Variants in PTPRD observed in about 807,000 individuals in gnomAD.
PTPRD encodes receptor-type tyrosine-protein phosphatase delta.
Under a neutral mutation model 214.5 loss-of-function variants are expected in PTPRD, and 34 were observed. The ratio of observed to expected loss-of-function variants is 0.16; its 90% CI spans 0.12 to 0.21. The LOEUF (loss-of-function observed/expected upper bound fraction) is 0.21, where lower values mean the gene tolerates loss of function less well. Among genes scored for constraint, PTPRD ranks in the 10% least tolerant of loss-of-function variants. PTPRD has a pLI of 1.00. For synonymous variants in PTPRD, 1,128 were observed against 845.7 expected, an observed-to-expected ratio of 1.33 and a Z score of -5.79; for missense variants, 2,545 against 2,398.7, an observed-to-expected ratio of 1.06 and a Z score of -1.27.
chr9:9,642,490 A>G (rs979040871), intron 7 of PTPRD, among the ~76,000 whole-genome samples: 7 of 152,194 alleles, frequency 4.6e-5, no homozygotes, highest in African/African-American at 1.4e-4. Flanking sequence ...TAGAAGGTAT[A>G]TAAGCTCTGG....
At chr9:9,874,699 A>G (rs1215357579) in intron 5 of PTPRD, among the ~76,000 whole-genome samples, 7 of 152,194 alleles carry the variant, frequency 4.6e-5, no homozygotes, top group Non-Finnish European at 1.0e-4. Flanking sequence ...CAAACATTAA[A>G]TGATTTATTT....
At chr9:9,399,227 A>G (rs965984611) in intron 8 of PTPRD, among the ~76,000 whole-genome samples, 3 of 152,038 alleles carry the variant, frequency 2.0e-5, no homozygotes, top group African/African-American at 7.2e-5. Flanking sequence ...CTTTAGCATA[A>G]GTATTTAAAA....
chr9:9,443,450 G>T (rs912316398), intron 8 of PTPRD, among the ~76,000 whole-genome samples: 1 of 152,156 alleles, frequency 6.6e-6, no homozygotes, highest in East Asian at 1.9e-4. Context: ...TGGTCGCTTT[G>T]AATCCAGAGT....
intron 9 of PTPRD, among the ~76,000 whole-genome samples, chr9:9,378,555 TG>T (rs1555327334): frequency 6.6e-6 from 1 of 152,182 alleles, no homozygotes; most frequent in Non-Finnish European, 1.5e-5. Flanking sequence ...TTGCATCATA[TG>T]GTAAGAGTAT....
At chr9:9,942,511 G>C (rs2091739393) in intron 4 of PTPRD, among the ~76,000 whole-genome samples, 2 of 152,096 alleles carry the variant, frequency 1.3e-5, no homozygotes, top group African/African-American at 4.8e-5. Flanking sequence ...ATTTCTATAA[G>C]TATGTGTAGG....
chr9:9,294,608 C>G (rs554242222), intron 9 of PTPRD, among the ~76,000 whole-genome samples: 36 of 151,608 alleles, frequency 2.4e-4, no homozygotes, highest in Non-Finnish European at 4.3e-4. Context: ...TTCTCTATGT[C>G]TGTGCACAAA....
At chr9:9,796,628 T>C (rs1015925814) in intron 5 of PTPRD, among the ~76,000 whole-genome samples, 1 of 151,398 alleles carries the variant, frequency 6.6e-6, no homozygotes, top group African/African-American at 2.4e-5. Flanking sequence ...CCAAAGCACA[T>C]AAAAGAAGAA....
chr9:10,186,809 G>C (rs1032764595), intron 3 of PTPRD, among the ~76,000 whole-genome samples: 2 of 151,832 alleles, frequency 1.3e-5, no homozygotes, highest in Admixed American at 6.6e-5. Context: ...TTAACATCTG[G>C]GGAAGACTAC....
intron 30 of PTPRD, among the ~76,000 whole-genome samples, chr9:8,475,307 C>T (rs547176223): frequency 6.6e-6 from 1 of 152,166 alleles, no homozygotes; most frequent in African/African-American, 2.4e-5. Flanking sequence ...CTCCATGAAA[C>T]ATTCTGAGCC....
At chr9:8,819,095 TA>T (rs1402697884) in intron 11 of PTPRD, among the ~76,000 whole-genome samples, 2 of 152,102 alleles carry the variant, frequency 1.3e-5, no homozygotes. Flanking sequence ...ATTAAAAACA[TA>T]AAAATGTATC....
intron 35 of PTPRD, among the ~76,000 whole-genome samples, chr9:8,424,411 T>A (rs2094535339): frequency 6.6e-6 from 1 of 152,156 alleles, no homozygotes; most frequent in Admixed American, 6.6e-5. Context: ...AACTTTCATG[T>A]GGTTCAACAT....
chr9:9,441,053 C>T (rs1387749034), intron 8 of PTPRD, among the ~76,000 whole-genome samples: 1 of 152,150 alleles, frequency 6.6e-6, no homozygotes, highest in African/African-American at 2.4e-5. Context: ...GCCAAAATGG[C>T]TGGGTCTTTA....
chr9:9,838,672 G>C (rs1181727916), intron 5 of PTPRD, among the ~76,000 whole-genome samples: 1 of 151,766 alleles, frequency 6.6e-6, no homozygotes, highest in Admixed American at 6.6e-5. Flanking sequence ...TTAGCCCTTT[G>C]TCAGATGAGT....
intron 11 of PTPRD, among the ~76,000 whole-genome samples, chr9:8,856,172 G>A (rs1157041828): frequency 1.3e-5 from 2 of 150,862 alleles, no homozygotes; most frequent in African/African-American, 4.9e-5. Context: ...CTTTTACTGG[G>A]TATTATTATA....
chr9:10,133,546 A>G (rs2098918359), intron 3 of PTPRD, among the ~76,000 whole-genome samples: 1 of 146,688 alleles, frequency 6.8e-6, no homozygotes. Context: ...AAATAACTTA[A>G]AAGGTCTGTC....
At chr9:10,533,308 A>G (rs939302927) in intron 2 of PTPRD, among the ~76,000 whole-genome samples, 2 of 152,150 alleles carry the variant, frequency 1.3e-5, no homozygotes, top group Non-Finnish European at 2.9e-5. Flanking sequence ...TGATAGCAAC[A>G]CAAATTGAAC....
At chr9:10,396,915 A>T (rs75388791) in intron 2 of PTPRD, among the ~76,000 whole-genome samples, 6,732 of 152,060 alleles carry the variant, frequency 0.044, 220 homozygotes, top group Non-Finnish European at 0.068. Flanking sequence ...TCCATACTTG[A>T]GGCCCTGGAA....
chr9:10,110,804 C>A (rs1339844312), intron 3 of PTPRD, among the ~76,000 whole-genome samples: 1 of 152,174 alleles, frequency 6.6e-6, no homozygotes, highest in Non-Finnish European at 1.5e-5. Context: ...TGACAGCCTC[C>A]TTTTCTTAAA....
intron 9 of PTPRD, among the ~76,000 whole-genome samples, chr9:9,353,951 T>A (rs969494743): frequency 6.6e-6 from 1 of 151,688 alleles, no homozygotes; most frequent in African/African-American, 2.4e-5. Flanking sequence ...TTGAAAAAAA[T>A]TAACTTCTTT....
Sources: gnomAD v4.1 joint callset for allele counts (sites outside exome capture counted in the v4.1 genomes callset) on GRCh38, gnomAD v4.1.1 for gene constraint, MANE v1.5 for transcripts, NCBI Gene and HGNC (gene_info 2026-07-23, HGNC 2026-07-21) for gene names.